The following MLF2 variants were observed in gnomAD, a reference collection of about 807,000 sequenced individuals.
The protein encoded by MLF2 is myeloid leukemia factor 2.
MLF2 carries 12 observed loss-of-function variants against 31.4 expected under a neutral mutation model. The observed-to-expected ratio is 0.38, with a 90% CI of 0.24 to 0.62. The LOEUF is 0.62. Among genes scored for constraint, MLF2 ranks in the 20% least tolerant of loss-of-function variants. MLF2 has a pLI of 0.58. For missense variants in MLF2, 272 were observed against 359.7 expected (o/e 0.76, Z 1.97); for synonymous variants, 109 against 118.8 (o/e 0.92, Z 0.54).
At position 6,748,631 on chromosome 12, in the gene MLF2, A is replaced by G; in HGVS notation, c.*26-84T>C. On this transcript the variant is annotated intron_variant, in intron 8 of 8. Transcript: ENST00000203630. This position sits in a 1 kb window ranked among gnomAD's most constrained non-coding sequence, Gnocchi z 4.6. Reference sequence around the variant, plus strand: ...GCCAGGAGTTGGGGTTTAATCCCCTATGTCAGTGAGAACATTGTTCTCTTT... The same window carrying G: ...GCCAGGAGTTGGGGTTTAATCCCCTGTGTCAGTGAGAACATTGTTCTCTTT... The G allele has an allele frequency of 1.5e-6, 1 of 676,482 alleles. No individual in the cohort carries two copies. Among genetic ancestry groups the G allele is most frequent in the East Asian group, 3.1e-5 (1 of 32,058 alleles). 41.9% of individuals were successfully genotyped at this position (676,482 alleles called of 1,614,324 possible). A position where few individuals can be genotyped will look rare whatever the true frequency, so the allele number is the denominator to read the frequency against.
chr12:6,750,765 G>A lies in MLF2; in HGVS notation c.218C>T (p.Ser73Leu), dbSNP rs1198045748. The A allele has an allele frequency of 5.0e-6, 8 of 1,613,752 alleles. No homozygotes were observed. Among genetic ancestry groups the A allele is most frequent in the Admixed American group, 1.7e-5 (1 of 59,974 alleles). ...AVSPFGMLGM[S>L]GGFMDMFGMM... ...CCCAAACATGTCCATGAAACCACCC[G>A]ACTGGAGGAAAGAGATGGAAAACAG... The change falls in exon 5 of 9, where the codon TCG (serine) becomes TTG (leucine). Residue 73 changes from serine to leucine, a missense_variant and splice_region_variant. Physicochemically the swap from Ser to Leu is moderately radical, Grantham distance 145. Coordinates refer to ENST00000203630, the MANE Select transcript of MLF2 (RefSeq NM_001382226.1). This position sits in a 1 kb window ranked among gnomAD's most constrained non-coding sequence, Gnocchi z 5.3.
intron 3 of MLF2, 21 bp downstream of exon 3, chr12:6,751,904 G>C (rs914448260): frequency 6.2e-7 from 1 of 1,613,516 alleles, no homozygotes; most frequent in Non-Finnish European, 8.5e-7. Context: ...TTGGGTCTCA[G>C]GTGTGTCTCA....
chr12:6,752,585 G>A lies in MLF2; in HGVS notation c.-28-223C>T. 4.3e-6 allele frequency: 2 copies of A among 466,674 alleles called. No homozygotes were observed. Among genetic ancestry groups the A allele is most frequent in the South Asian group, 3.0e-5 (1 of 33,080 alleles). The allele number at this position is 466,674 out of a possible 1,614,324, so 28.9% of individuals were successfully genotyped here. The stretch of plus-strand genomic sequence containing the variant: ...ATGGAAAATTTTTCCAACCCTCTCG[G>A]TTTTTCCCTCCCCCACTCAGAGCCA... On this transcript the variant is annotated intron_variant, in intron 1 of 8. Coordinates refer to ENST00000203630, the MANE Select transcript of MLF2 (RefSeq NM_001382226.1). The surrounding 1 kb of genome is among the most constrained non-coding windows in gnomAD (Gnocchi z 4.6).
Position 6,752,223 on chromosome 12 carries a change from A to T in MLF2, c.50+62T>A. 6.5e-7 allele frequency: 1 copy of T among 1,545,732 alleles called. No homozygotes were observed. Among genetic ancestry groups the T allele is most frequent in the Admixed American group, 2.0e-5 (1 of 51,136 alleles). On this transcript the variant is annotated intron_variant, in intron 2 of 8. Coordinates refer to ENST00000203630, the MANE Select transcript of MLF2 (RefSeq NM_001382226.1). The surrounding 1 kb of genome is among the most constrained non-coding windows in gnomAD (Gnocchi z 4.6). The stretch of plus-strand genomic sequence containing the variant: ...ACCATTCCTAGCAATGGGAACCCCG[A>T]TGTCTGCCTGAACTGCTCAGAGACC...
Position 6,750,441 on chromosome 12 carries a change from C to A in MLF2, c.271-136G>T. 1 of 1,222,616 alleles carries A rather than the reference C, an allele frequency of 8.2e-7. No homozygotes were observed. The highest frequency in any genetic ancestry group is 2.4e-5 in the East Asian group (1 of 41,692). 75.7% of individuals were successfully genotyped at this position (1,222,616 alleles called of 1,614,324 possible). On this transcript the variant is annotated intron_variant, in intron 5 of 8. Transcript: ENST00000203630. This position sits in a 1 kb window ranked among gnomAD's most constrained non-coding sequence, Gnocchi z 5.3. Reference sequence around the variant, plus strand: ...GAACTGAAAAAACATCAGGCCTCATCATTACCCTCCCAAATTCCTCTGAGT... The same window carrying A: ...GAACTGAAAAAACATCAGGCCTCATAATTACCCTCCCAAATTCCTCTGAGT...
Position 6,749,738 on chromosome 12 carries a change from A to AAAG in MLF2, c.559+109_559+110insCTT. On this transcript the variant is annotated intron_variant, in intron 7 of 8. Transcript: ENST00000203630. This position sits in a 1 kb window ranked among gnomAD's most constrained non-coding sequence, Gnocchi z 5.3. ...GACTCCATCTCAAAAAAAAAAAAAA[A>AAAG]GGAATATGGGGCTGACCCAGAGCTT... 1 of 1,327,094 alleles carries AAAG rather than the reference A, an allele frequency of 7.5e-7. No individual in the cohort carries two copies. Among genetic ancestry groups the AAAG allele is most frequent in the Non-Finnish European group, 1.0e-6 (1 of 968,186 alleles). 82.2% of individuals were successfully genotyped at this position (1,327,094 alleles called of 1,614,324 possible).
rs938728817 is a variant in MLF2 at position 6,752,999 on chromosome 12, G to A, written c.-89C>T. The A allele has an allele frequency of 1.2e-5, 4 of 324,716 alleles. No individual in the cohort carries two copies. The highest frequency in any genetic ancestry group is 8.5e-5 in the African/African-American group (4 of 46,800). 20.1% of individuals were successfully genotyped at this position (324,716 alleles called of 1,614,324 possible). On this transcript the variant is annotated 5_prime_UTR_variant, in exon 1 of 9. Transcript: ENST00000203630. This position sits in a 1 kb window ranked among gnomAD's most constrained non-coding sequence, Gnocchi z 4.6. ...GGTTTCGCTTCCCGGTACGCTGCAG[G>A]GTCAGGGTCGCGGCCCGGAACGTGG...
At position 6,749,088 on chromosome 12, in the gene MLF2, T is replaced by C; in HGVS notation, c.560-106A>G. The C allele has an allele frequency of 1.6e-6, 2 of 1,236,696 alleles. No individual in the cohort carries two copies. The highest frequency in any genetic ancestry group is 1.6e-5 in the South Asian group (1 of 63,988). The allele number at this position is 1,236,696 out of a possible 1,614,324, so 76.6% of individuals were successfully genotyped here. Reference sequence around the variant, plus strand: ...GGGCCAAAGCGGCGAAGGCTGAGTGTGCGTGCAGGGATGGGTGGGGTGGCA... The same window carrying C: ...GGGCCAAAGCGGCGAAGGCTGAGTGCGCGTGCAGGGATGGGTGGGGTGGCA... On this transcript the variant is annotated intron_variant, in intron 7 of 8. Coordinates refer to ENST00000203630, the MANE Select transcript of MLF2 (RefSeq NM_001382226.1). This position sits in a 1 kb window ranked among gnomAD's most constrained non-coding sequence, Gnocchi z 5.3.
intron 4 of MLF2, among the ~76,000 whole-genome samples, chr12:6,751,395 GT>G: frequency 6.6e-6 from 1 of 152,134 alleles, no homozygotes; most frequent in South Asian, 2.1e-4. Context: ...GTTTCACCAT[GT>G]TGGCCAGTCT....
rs533929015 is a variant in MLF2 at position 6,752,577 on chromosome 12, C to T, written c.-28-215G>A. The T allele has an allele frequency of 1.6e-4, 78 of 483,990 alleles. No individual in the cohort carries two copies. Among genetic ancestry groups the T allele is most frequent in the Non-Finnish European group, 2.3e-4 (63 of 269,366 alleles). 30.0% of individuals were successfully genotyped at this position (483,990 alleles called of 1,614,324 possible). On this transcript the variant is annotated intron_variant, in intron 1 of 8. Coordinates refer to ENST00000203630, the MANE Select transcript of MLF2 (RefSeq NM_001382226.1). The surrounding 1 kb of genome is among the most constrained non-coding windows in gnomAD (Gnocchi z 4.6). ...TTAGGGCCATGGAAAATTTTTCCAA[C>T]CCTCTCGGTTTTTCCCTCCCCCACT...
In MLF2 at chr12:6,752,644, C is replaced by G; in HGVS notation, c.-28-282G>C. On this transcript the variant is annotated intron_variant, in intron 1 of 8. Transcript: ENST00000203630. The surrounding 1 kb of genome is among the most constrained non-coding windows in gnomAD (Gnocchi z 4.6). ...CCAAAGCTCTGGCCGGTAGCATACT[C>G]TCCCCTCCTCCCGCCGACGACACCG... 3.3e-6 allele frequency: 1 copy of G among 307,170 alleles called. No homozygotes were observed. Among genetic ancestry groups the G allele is most frequent in the East Asian group, 6.3e-5 (1 of 15,890 alleles). 19.0% of individuals were successfully genotyped at this position (307,170 alleles called of 1,614,324 possible).
intron 4 of MLF2, chr12:6,751,012 T>C: frequency 2.0e-6 from 1 of 492,798 alleles, no homozygotes. Context: ...CTGCTTGCTA[T>C]ATTCCCCCCA....
rs965552767 is a variant in MLF2 at position 6,753,077 on chromosome 12, C to T, written c.-167G>A. 7.7e-6 allele frequency: 3 copies of T among 388,116 alleles called. No homozygotes were observed. The highest frequency in any genetic ancestry group is 7.3e-5 in the East Asian group (2 of 27,452). 24.0% of individuals were successfully genotyped at this position (388,116 alleles called of 1,614,324 possible). On this transcript the variant is annotated 5_prime_UTR_variant, in exon 1 of 9. Transcript: ENST00000203630. The stretch of plus-strand genomic sequence containing the variant: ...CCTTCCACGCCGCCTCCTCCCACAG[C>T]TGCCACCTCCGTACGGCCCCCTCGG...
intron 3 of MLF2, 110 bp downstream of exon 3, chr12:6,751,815 C>G (rs972325993): frequency 1.3e-6 from 2 of 1,573,052 alleles, no homozygotes; most frequent in African/African-American, 2.7e-5. Flanking sequence ...CTTTCCCCAA[C>G]TCCTAGAGCA....
chr12:6,752,259 G>T lies in MLF2; in HGVS notation c.50+26C>A. 1 of 1,558,252 alleles carries T rather than the reference G, an allele frequency of 6.4e-7. No individual in the cohort carries two copies. On this transcript the variant is annotated intron_variant, in intron 2 of 8. Transcript: ENST00000203630. The surrounding 1 kb of genome is among the most constrained non-coding windows in gnomAD (Gnocchi z 4.6). ...AACTGCTCAGAGACCTGGAGTGGGA[G>T]AGCTTGAGGGGGAGGGAATACTCAC...
chr12:6,751,779 G>A (rs1941619067), intron 3 of MLF2, 103 bp from the exon 4 acceptor site: 8 of 1,561,058 alleles, frequency 5.1e-6, no homozygotes, highest in Non-Finnish European at 6.2e-6. Flanking sequence ...TCTCAAAAGG[G>A]AGTCACAAAG....
chr12:6,751,889 T>C (rs1941620562), intron 3 of MLF2, 36 bp downstream of exon 3: 1 of 1,610,898 alleles, frequency 6.2e-7, no homozygotes, highest in Non-Finnish European at 8.5e-7. Context: ...ACCTCCAACC[T>C]TTCTTTGGGT....
Position 6,750,207 on chromosome 12 carries a change from C to G in MLF2, c.369G>C (p.Glu123Asp). The G allele has an allele frequency of 6.2e-7, 1 of 1,614,194 alleles. No individual in the cohort carries two copies. The highest frequency in any genetic ancestry group is 8.5e-7 in the Non-Finnish European group (1 of 1,180,036). The change falls in exon 6 of 9, where the codon GAG becomes GAC. Residue 123 changes from glutamate (E) to aspartate (D), a missense_variant. By Grantham distance (45) the Glu-to-Asp change is conservative. Coordinates refer to ENST00000203630, the MANE Select transcript of MLF2 (RefSeq NM_001382226.1). The surrounding 1 kb of genome is among the most constrained non-coding windows in gnomAD (Gnocchi z 5.3). ...TGDGAPKVYQ[E>D]TSEMRSAPGG... ...CTGGTGCCGAGCGCATCTCTGATGTCTCTTGGTAGACCTTGGGGGCACCAT... is the reference window on the plus strand; with the variant it reads ...CTGGTGCCGAGCGCATCTCTGATGTGTCTTGGTAGACCTTGGGGGCACCAT...
chr12:6,752,541 C>G lies in MLF2; in HGVS notation c.-28-179G>C. The G allele has an allele frequency of 1.8e-6, 1 of 553,748 alleles. No homozygotes were observed. Among genetic ancestry groups the G allele is most frequent in the Non-Finnish European group, 3.2e-6 (1 of 315,914 alleles). The allele number at this position is 553,748 out of a possible 1,614,324, so 34.3% of individuals were successfully genotyped here. On this transcript the variant is annotated intron_variant, in intron 1 of 8. Coordinates refer to ENST00000203630, the MANE Select transcript of MLF2 (RefSeq NM_001382226.1). The surrounding 1 kb of genome is among the most constrained non-coding windows in gnomAD (Gnocchi z 4.6). ...CTAGGGAGGGAAGGGCTCTTCAAAC[C>G]TCTTTCTCAATTAGGGCCATGGAAA... is the stretch of plus-strand genomic sequence containing the variant.
Sources: allele counts gnomAD v4.1 joint callset (sites outside exome capture counted in the v4.1 genomes callset), GRCh38; gene constraint gnomAD v4.1.1; non-coding constraint Gnocchi (gnomAD v3.1); transcripts MANE v1.5; gene names NCBI Gene and HGNC (gene_info 2026-07-23, HGNC 2026-07-21).